The following LZTFL1 variants were observed in gnomAD, a reference collection of about 807,000 sequenced individuals.
The protein encoded by LZTFL1 is leucine zipper transcription factor like 1, also known as leucine zipper transcription factor-like protein 1.
In LZTFL1, 25 loss-of-function variants were observed where a neutral mutation model predicts 45.9. That is an observed-to-expected ratio of 0.54 (90% CI 0.40 to 0.76). The LOEUF (loss-of-function observed/expected upper bound fraction) is 0.76, where lower values mean the gene tolerates loss of function less well. Ranked by LOEUF, LZTFL1 falls within the 30% of genes least tolerant of loss-of-function variation. The pLI is 0.00. For missense variants in LZTFL1, 277 were observed against 331.1 expected, an observed-to-expected ratio of 0.84 and a Z score of 1.27; for synonymous variants, 93 against 117.4, an observed-to-expected ratio of 0.79 and a Z score of 1.35.
chr3:45,828,244 A>G (rs1241014785), intron 8 of LZTFL1, among the ~76,000 whole-genome samples, 195 bp downstream of exon 8: 1 of 152,186 alleles, frequency 6.6e-6, no homozygotes, highest in African/African-American at 2.4e-5. Flanking sequence ...ATTATCACAG[A>G]TATTTTAGTA....
intron 2 of LZTFL1, among the ~76,000 whole-genome samples, chr3:45,863,933 T>C (rs995598287): frequency 1.3e-5 from 2 of 152,250 alleles, no homozygotes; most frequent in Non-Finnish European, 2.9e-5. Context: ...TTAGATGATA[T>C]TAAAGAATGA....
chr3:45,899,470 AC>A (rs1368929206), intron 2 of LZTFL1, among the ~76,000 whole-genome samples: 1 of 152,262 alleles, frequency 6.6e-6, no homozygotes, highest in East Asian at 1.9e-4. Flanking sequence ...GTTAATATTA[AC>A]TGTTCAAAAC....
chr3:45,847,174 T>G (rs2125699312), intron 4 of LZTFL1, among the ~76,000 whole-genome samples: 1 of 152,350 alleles, frequency 6.6e-6, no homozygotes, highest in African/African-American at 2.4e-5. Flanking sequence ...CTTGAAACCC[T>G]TTGCCCCTGT....
intron 3 of LZTFL1, chr3:45,855,096 T>C: frequency 7.2e-7 from 1 of 1,389,264 alleles, no homozygotes; most frequent in Non-Finnish European, 9.8e-7. Flanking sequence ...GAGTTCGAGT[T>C]AAAAATTATA....
chr3:45,850,426 C>A (rs530300768), intron 4 of LZTFL1, among the ~76,000 whole-genome samples: 26 of 152,280 alleles, frequency 1.7e-4, no homozygotes, highest in Non-Finnish European at 3.2e-4. Flanking sequence ...CACTCTCACA[C>A]CTCCTCCCCG....
intron 7 of LZTFL1, among the ~76,000 whole-genome samples, chr3:45,830,271 AC>A (rs1700779577): frequency 6.6e-6 from 1 of 152,352 alleles, no homozygotes; most frequent in South Asian, 2.1e-4. Context: ...AGGAAATCAT[AC>A]TGCAGCATGC....
rs746631019 is a variant in LZTFL1, at chr3:45,901,058, G to A, written c.-215+12062C>T. ...TGACCGACATGTTCCTTTTGAATTTGGCAATTGCTGACCTCCTCTTTCTTG... is the reference window on the plus strand; with the variant it reads ...TGACCGACATGTTCCTTTTGAATTTAGCAATTGCTGACCTCCTCTTTCTTG... On this transcript the variant is annotated intron_variant, in intron 2 of 4. Coordinates refer to the LZTFL1 transcript ENST00000472635. This position sits in a 1 kb window ranked among gnomAD's most constrained non-coding sequence, Gnocchi z 4.3. The A allele has an allele frequency of 1.8e-5, 29 of 1,614,106 alleles. No individual in the cohort carries two copies. Among genetic ancestry groups the A allele is most frequent in the Non-Finnish European group, 2.5e-5 (29 of 1,180,012 alleles).
intron 9 of LZTFL1, 168 bp downstream of exon 9, chr3:45,827,188 T>C (rs774622697): frequency 6.6e-6 from 4 of 602,436 alleles, no homozygotes; most frequent in Non-Finnish European, 1.2e-5. Flanking sequence ...GTGGGCATTA[T>C]AGATAAGGTC....
chr3:45,915,044 C>G (rs1469950772), intron 1 of LZTFL1, among the ~76,000 whole-genome samples: 1 of 152,322 alleles, frequency 6.6e-6, no homozygotes, highest in South Asian at 2.1e-4. Context: ...CCTGAAGCCA[C>G]CTCTGAGGCA....
chr3:45,828,706 A>G (rs1700734418), intron 7 of LZTFL1, 91 bp from the exon 8 acceptor site: 1 of 1,143,466 alleles, frequency 8.7e-7, no homozygotes, highest in Admixed American at 2.2e-5. Flanking sequence ...AGGAGATGAA[A>G]AAAATGATGT....
chr3:45,896,247 C>T (rs193266642), intron 2 of LZTFL1, among the ~76,000 whole-genome samples: 2 of 152,310 alleles, frequency 1.3e-5, no homozygotes, highest in East Asian at 3.9e-4. Flanking sequence ...CTGAGCTTGC[C>T]AGTCATTTGC....
intron 2 of LZTFL1, among the ~76,000 whole-genome samples, chr3:45,888,863 A>AT (rs1298872344): frequency 6.6e-6 from 1 of 152,194 alleles, no homozygotes; most frequent in African/African-American, 2.4e-5. Context: ...AGGGAGGGGT[A>AT]TGTCCTGTTT....
chr3:45,828,280 C>T (rs536009596), intron 8 of LZTFL1, among the ~76,000 whole-genome samples, 159 bp downstream of exon 8: 12 of 152,144 alleles, frequency 7.9e-5, no homozygotes, highest in South Asian at 4.1e-4. Flanking sequence ...TATCAGTGCC[C>T]GGAAATGATT....
In LZTFL1 at chr3:45,826,339, A is replaced by T; in HGVS notation, c.882-7T>A. ...TTAATCTTCAGGTTCATATCTGGAG[A>T]TATAAATTAAGAACACAATGTCAGG... On this transcript the variant is annotated splice_region_variant and splice_polypyrimidine_tract_variant and intron_variant, in intron 9 of 9. Transcript: ENST00000296135. 1 of 1,610,118 alleles carries T rather than the reference A, an allele frequency of 6.2e-7. No homozygotes were observed. Among genetic ancestry groups the T allele is most frequent in the Non-Finnish European group, 8.5e-7 (1 of 1,177,058 alleles).
chr3:45,845,642 G>A (rs1559408009), upstream of LZTFL1, among the ~76,000 whole-genome samples: 1 of 152,194 alleles, frequency 6.6e-6, no homozygotes, highest in Non-Finnish European at 1.5e-5. Flanking sequence ...CTTTAAGAGT[G>A]TCTTATTCAG....
Position 45,908,472 on chromosome 3 carries a change from C to T in LZTFL1, c.-215+4648G>A, listed in dbSNP as rs1052980731. Among the ~76,000 whole-genome samples, 12 of 152,180 alleles carry T rather than the reference C, an allele frequency of 7.9e-5. 1 individual carries two copies. The highest frequency in any genetic ancestry group is 5.9e-5 in the Non-Finnish European group (4 of 68,040). ...CTCACAATCACAGACCCAAGTCACA[C>T]CATCACAGGAACAAGCTGATGGTTA... On this transcript the variant is annotated intron_variant, in intron 2 of 4. Coordinates refer to the LZTFL1 transcript ENST00000472635.
intron 4 of LZTFL1, among the ~76,000 whole-genome samples, chr3:45,848,300 G>A (rs1231631084): frequency 6.6e-6 from 1 of 152,190 alleles, no homozygotes; most frequent in South Asian, 2.1e-4. Flanking sequence ...TCCTTATGCT[G>A]GAGGGCAGCT....
At chr3:45,877,025 C>T (rs1325269048) in intron 2 of LZTFL1, among the ~76,000 whole-genome samples, 4 of 151,978 alleles carry the variant, frequency 2.6e-5, no homozygotes, top group African/African-American at 7.3e-5. Context: ...TCATCTCAAA[C>T]ATAGGGCAAG....
rs775133539 is a variant in LZTFL1 at position 45,897,670 on chromosome 3, C to T, written c.-215+15450G>A. The T allele has an allele frequency of 7.0e-5, 99 of 1,422,796 alleles. No homozygotes were observed. The Middle Eastern group carries it at 1.4e-3, about 20-fold the overall frequency. 88.1% of individuals were successfully genotyped at this position (1,422,796 alleles called of 1,614,324 possible). A position where few individuals can be genotyped will look rare whatever the true frequency, so the allele number is the denominator to read the frequency against. ...CAGCTAAGTGATGCTGGCCTTCCCA[C>T]CTGCCCCCTCTCATTTGTTCCCCAG... On this transcript the variant is annotated intron_variant, in intron 2 of 4. Transcript: ENST00000472635.
Sources: gnomAD v4.1 joint callset for allele counts (sites outside exome capture counted in the v4.1 genomes callset) on GRCh38, gnomAD v4.1.1 for gene constraint, Gnocchi (gnomAD v3.1) non-coding constraint, MANE v1.5 for transcripts, NCBI Gene and HGNC (gene_info 2026-07-23, HGNC 2026-07-21) for gene names.